EXT1: variants seen among roughly 807,000 people sequenced by gnomAD.
EXT1 encodes exostosin-1.
EXT1 carries 20 observed loss-of-function variants against 82.5 expected under a neutral mutation model. The observed-to-expected ratio is 0.24, with a 90% CI of 0.17 to 0.35. The LOEUF is 0.35. EXT1 is among the 10% of genes least tolerant of loss of function. The probability of loss-of-function intolerance (pLI) is 1.00; values close to 1 mark genes in which losing one functional copy is unlikely to be tolerated. For missense variants in EXT1, 757 were observed against 936.5 expected, an observed-to-expected ratio of 0.81 and a Z score of 2.50; for synonymous variants, 348 against 350.8, an observed-to-expected ratio of 0.99 and a Z score of 0.09.
At chr8:117,940,807 T>C (rs1003350478) in intron 1 of EXT1, among the ~76,000 whole-genome samples, 1 of 152,212 alleles carries the variant, frequency 6.6e-6, no homozygotes, top group African/African-American at 2.4e-5. Flanking sequence ...TGGAAGCTGC[T>C]GGCATCCTGC....
Position 118,110,572 on chromosome 8 carries a change from C to A in EXT1, c.475G>T (p.Asp159Tyr), listed in dbSNP as rs2130043283. 1 of 1,614,180 alleles carries A rather than the reference C, an allele frequency of 6.2e-7. No individual in the cohort carries two copies. The highest frequency in any genetic ancestry group is 8.5e-7 in the Non-Finnish European group (1 of 1,180,024). ...SQACLFVLSLDTLDRDQLSPQ... is the reference protein window; with the variant it reads ...SQACLFVLSLYTLDRDQLSPQ... ...GACAACTGGTCTCTGTCTAAAGTAT[C>A]CAGACTCAGGACAAAGAGGCACGCC... The change falls in exon 1 of 11, where the codon GAT becomes TAT. Residue 159 changes from aspartate to tyrosine, a missense_variant. Coordinates refer to ENST00000378204, the MANE Select transcript of EXT1 (RefSeq NM_000127.3).
In EXT1 at chr8:118,111,551, G is replaced by A. The variant is rs1222438637; in HGVS notation, c.-505C>T. 4.6e-6 allele frequency: 2 copies of A among 438,432 alleles called. No individual in the cohort carries two copies. The highest frequency in any genetic ancestry group is 6.5e-5 in the East Asian group (2 of 30,640). The allele number at this position is 438,432 out of a possible 1,614,324, so 27.2% of individuals were successfully genotyped here. ...AGTCAGCCGATCCCGGGTTCAGCCG[G>A]CTAGTGCATCTTGCAGCTGGGGCGC... On this transcript the variant is annotated 5_prime_UTR_variant, in exon 1 of 11. Transcript: ENST00000378204.
At chr8:117,909,859 C>T (rs1407089551) in intron 1 of EXT1, among the ~76,000 whole-genome samples, 1 of 152,058 alleles carries the variant, frequency 6.6e-6, no homozygotes, top group Non-Finnish European at 1.5e-5. Flanking sequence ...CCTCCGCCTC[C>T]CAGGTTCAAG....
chr8:117,807,796 A>G (rs1475145305), intron 8 of EXT1, among the ~76,000 whole-genome samples: 1 of 152,188 alleles, frequency 6.6e-6, no homozygotes, highest in Non-Finnish European at 1.5e-5. Context: ...AACATATATC[A>G]TACCCAGCAT....
chr8:117,920,292 C>T (rs762049144), intron 1 of EXT1, among the ~76,000 whole-genome samples: 2 of 150,026 alleles, frequency 1.3e-5, no homozygotes, highest in African/African-American at 2.4e-5. Context: ...TTAGTAGAGA[C>T]GGGGTTTCAC....
intron 1 of EXT1, among the ~76,000 whole-genome samples, chr8:118,100,690 G>A (rs1161019859): frequency 6.6e-6 from 1 of 151,958 alleles, no homozygotes; most frequent in East Asian, 1.9e-4. Flanking sequence ...AGGTTGCAGT[G>A]AGCTGAGATC....
At chr8:117,808,872 C>G (rs770404353) in intron 8 of EXT1, among the ~76,000 whole-genome samples, 1 of 152,066 alleles carries the variant, frequency 6.6e-6, no homozygotes, top group Non-Finnish European at 1.5e-5. Flanking sequence ...TGCAGATGGG[C>G]AATATCCAGT....
rs544477799 is a variant in EXT1 at position 117,870,340 on chromosome 8, A to T, written c.963-33139T>A. On this transcript the variant is annotated intron_variant, in intron 1 of 10. Transcript: ENST00000378204. Reference sequence around the variant, plus strand: ...AGGTGTAGGTCTCTCTTATTCAAACATCTGAGAATTGTTATGTCTGAGCAT... The same window carrying T: ...AGGTGTAGGTCTCTCTTATTCAAACTTCTGAGAATTGTTATGTCTGAGCAT... 5.3e-5 allele frequency among the ~76,000 whole-genome samples: 8 copies of T among 152,172 alleles called. No homozygotes were observed. The East Asian group carries it at 1.5e-3, about 29-fold the overall frequency.
At chr8:118,003,020 T>G (rs1282367518) in intron 1 of EXT1, among the ~76,000 whole-genome samples, 1 of 152,102 alleles carries the variant, frequency 6.6e-6, no homozygotes, top group East Asian at 1.9e-4. Context: ...GTTTTATATG[T>G]GTATATATAT....
intron 3 of EXT1, chr8:117,831,788 T>C: frequency 5.0e-6 from 2 of 398,880 alleles, no homozygotes; most frequent in South Asian, 3.9e-5. Context: ...GCACTCCCCT[T>C]AGGAGGAGCA....
intron 1 of EXT1, among the ~76,000 whole-genome samples, chr8:117,919,609 A>G (rs1327068227): frequency 6.6e-6 from 1 of 151,872 alleles, no homozygotes; most frequent in African/African-American, 2.4e-5. Context: ...GGCTCAAGCA[A>G]TCATCCCGCC....
At chr8:117,981,842 C>T (rs1815210817) in intron 1 of EXT1, among the ~76,000 whole-genome samples, 1 of 151,648 alleles carries the variant, frequency 6.6e-6, no homozygotes, top group Non-Finnish European at 1.5e-5. Flanking sequence ...CACACCACAG[C>T]ACTTCAGCCT....
intron 1 of EXT1, among the ~76,000 whole-genome samples, chr8:117,902,912 CT>C (rs1164472141): frequency 2.3e-4 from 35 of 152,196 alleles, no homozygotes; most frequent in African/African-American, 7.0e-4. Flanking sequence ...TCTTTAGCTC[CT>C]TAGATGTTCT....
intron 1 of EXT1, among the ~76,000 whole-genome samples, chr8:117,878,920 C>T (rs1299139223): frequency 1.3e-5 from 2 of 152,226 alleles, no homozygotes; most frequent in Non-Finnish European, 2.9e-5. Context: ...TCCACTTCTT[C>T]ATGGTGAGAC....
At chr8:117,957,300 T>A (rs1474678597) in intron 1 of EXT1, among the ~76,000 whole-genome samples, 1 of 152,254 alleles carries the variant, frequency 6.6e-6, no homozygotes, top group Non-Finnish European at 1.5e-5. Flanking sequence ...TTGGTTAAAT[T>A]CATTACTTTT....
chr8:117,909,083 G>C (rs933646598), intron 1 of EXT1, among the ~76,000 whole-genome samples: 1 of 151,838 alleles, frequency 6.6e-6, no homozygotes, highest in Non-Finnish European at 1.5e-5. Flanking sequence ...AGTGAACCGA[G>C]ATCGGGCCGT....
intron 1 of EXT1, among the ~76,000 whole-genome samples, chr8:117,838,740 T>G (rs1030685604): frequency 6.6e-6 from 1 of 152,160 alleles, no homozygotes; most frequent in African/African-American, 2.4e-5. Context: ...GATAATGTTT[T>G]AATCTCTGCC....
chr8:118,102,811 CCA>C (rs1817744109), intron 1 of EXT1, among the ~76,000 whole-genome samples: 1 of 152,266 alleles, frequency 6.6e-6, no homozygotes, highest in Non-Finnish European at 1.5e-5. Flanking sequence ...TCCCAATCTT[CCA>C]CAGAGGCTAT....
At chr8:117,996,788 G>T (rs781458142) in intron 1 of EXT1, among the ~76,000 whole-genome samples, 1 of 152,208 alleles carries the variant, frequency 6.6e-6, no homozygotes, top group Non-Finnish European at 1.5e-5. Context: ...AGGACAAACA[G>T]AAATTGTTCA....
Sources: gnomAD v4.1 joint callset for allele counts (sites outside exome capture counted in the v4.1 genomes callset) on GRCh38, gnomAD v4.1.1 for gene constraint, MANE v1.5 for transcripts, NCBI Gene and HGNC (gene_info 2026-07-23, HGNC 2026-07-21) for gene names.